Variants in CHAF1A observed in about 807,000 individuals in gnomAD.
CHAF1A encodes the protein CAF-1 subunit A.
CHAF1A carries 5 observed loss-of-function variants against 93.2 expected under a neutral mutation model. The observed-to-expected ratio is 0.05, with a 90% CI of 0.03 to 0.11. The LOEUF is 0.11. Among genes scored for constraint, CHAF1A ranks in the 10% least tolerant of loss-of-function variants. The pLI is 1.00. For missense variants in CHAF1A, 1,102 were observed against 1,259.9 expected, an observed-to-expected ratio of 0.87 and a Z score of 1.90; for synonymous variants, 504 against 510.3, an observed-to-expected ratio of 0.99 and a Z score of 0.17.
intron 8 of CHAF1A, 69 bp from the exon 9 acceptor site, chr19:4,429,369 G>T: frequency 6.5e-7 from 1 of 1,533,476 alleles, no homozygotes; most frequent in Non-Finnish European, 8.9e-7. Flanking sequence ...TTCACAGGGA[G>T]GTTCCTGGGA....
chr19:4,430,655 G>T lies in CHAF1A; in HGVS notation c.1947+14G>T, dbSNP rs371533132. On this transcript the variant is annotated intron_variant, in intron 11 of 14. Transcript: ENST00000301280. Reference sequence around the variant, plus strand: ...GGTGTGACAGAGGTGAGGGAGTGAAGGGGGAGGTCACCGGCTCAGCAAAAG... The same window carrying T: ...GGTGTGACAGAGGTGAGGGAGTGAATGGGGAGGTCACCGGCTCAGCAAAAG... 3.0e-5 allele frequency: 49 copies of T among 1,613,352 alleles called. No homozygotes were observed. The African/African-American group carries it at 4.5e-4, about 15-fold the overall frequency.
downstream of CHAF1A, chr19:4,447,147 C>A (rs1225175531): frequency 1.0e-5 from 6 of 598,438 alleles, no homozygotes; most frequent in East Asian, 1.7e-4. Context: ...CAACCAGGCA[C>A]GAAGAGTGAG....
rs746767445 is a variant in CHAF1A at position 4,429,537 on chromosome 19, T to C, written c.1704T>C (p.Pro568=). The change falls in exon 9 of 15, where the codon CCT becomes CCC. Residue 568 remains proline, a synonymous_variant. Coordinates refer to ENST00000301280, the MANE Select transcript of CHAF1A (RefSeq NM_005483.3). The part of the protein sequence containing the change: ...KLLQFCENHR[P]AYWGTWNKKT... ...TGCAGTTCTGTGAGAACCACCGGCC[T>C]GCCTACTGGGGTACCTGGAATAAGA... The C allele has an allele frequency of 1.2e-5, 20 of 1,613,976 alleles. No homozygotes were observed. Among genetic ancestry groups the C allele is most frequent in the Non-Finnish European group, 1.7e-5 (20 of 1,179,988 alleles).
At chr19:4,416,711 G>A (rs1416489322) in intron 3 of CHAF1A, among the ~76,000 whole-genome samples, 2 of 152,176 alleles carry the variant, frequency 1.3e-5, no homozygotes, top group Admixed American at 6.5e-5. Context: ...CCAACATGAT[G>A]AAACCCCTAT....
In CHAF1A at chr19:4,417,641, A is replaced by G. The variant is rs186008053; in HGVS notation, c.961-379A>G. Among the ~76,000 whole-genome samples, 47 of 151,636 alleles carry G rather than the reference A, an allele frequency of 3.1e-4. No individual in the cohort carries two copies. The East Asian group carries it at 5.7e-3, about 18-fold the overall frequency. On this transcript the variant is annotated intron_variant, in intron 3 of 14. Coordinates refer to ENST00000301280, the MANE Select transcript of CHAF1A (RefSeq NM_005483.3). ...ACGCTCGGCTAATTTTTGTATTTTT[A>G]GTAGAGATGGGGTTTTGCCACGTTG...
At chr19:4,447,758 G>C (rs1293752408), downstream of CHAF1A, 1 of 857,708 alleles carries the variant, frequency 1.2e-6, no homozygotes, top group Admixed American at 1.9e-5. Context: ...GCCCAGTGAC[G>C]CGAGGGCAGC....
At chr19:4,408,071 A>C (rs1010824323) in intron 2 of CHAF1A, among the ~76,000 whole-genome samples, 5 of 150,786 alleles carry the variant, frequency 3.3e-5, no homozygotes, top group Non-Finnish European at 4.4e-5. Flanking sequence ...TAGTTGCACC[A>C]CCACAGCTCA....
intron 13 of CHAF1A, among the ~76,000 whole-genome samples, chr19:4,438,600 G>T (rs1176151455): frequency 1.3e-5 from 2 of 152,140 alleles, no homozygotes; most frequent in African/African-American, 4.8e-5. Flanking sequence ...TCAACTCTTC[G>T]GGCCTCCGTT....
downstream of CHAF1A, chr19:4,446,457 C>A (rs767870865): frequency 6.3e-7 from 1 of 1,582,168 alleles, no homozygotes; most frequent in South Asian, 1.1e-5. Context: ...GGGGTTCTTC[C>A]ACCCCGCCCC....
chr19:4,419,239 A>T (rs1973949499), intron 4 of CHAF1A, among the ~76,000 whole-genome samples: 1 of 151,870 alleles, frequency 6.6e-6, no homozygotes, highest in South Asian at 2.1e-4. Context: ...TGTCATACCG[A>T]AACAAACCAA....
intron 3 of CHAF1A, among the ~76,000 whole-genome samples, chr19:4,411,796 C>T (rs1171765692): frequency 6.6e-6 from 1 of 151,556 alleles, no homozygotes; most frequent in Non-Finnish European, 1.5e-5. Context: ...TACAGGTGCC[C>T]ACCACCACGC....
chr19:4,413,933 T>G (rs1482748856), intron 3 of CHAF1A, among the ~76,000 whole-genome samples: 1 of 152,234 alleles, frequency 6.6e-6, no homozygotes, highest in African/African-American at 2.4e-5. Flanking sequence ...TTCTGAAGTT[T>G]GCAATCAGAC....
At chr19:4,424,665 C>T (rs1302748109) in intron 7 of CHAF1A, among the ~76,000 whole-genome samples, 1 of 152,046 alleles carries the variant, frequency 6.6e-6, no homozygotes, top group Non-Finnish European at 1.5e-5. Flanking sequence ...GATGGAGTCT[C>T]ACTCTGTCAC....
In CHAF1A at chr19:4,430,454, A is replaced by G. The variant is rs1974160736; in HGVS notation, c.1855-95A>G. 37 of 784,184 alleles carry G rather than the reference A, an allele frequency of 4.7e-5. 1 individual carries two copies. In the South Asian group the frequency reaches 5.3e-4, roughly 11 times the overall value. The allele number at this position is 784,184 out of a possible 1,614,324, so 48.6% of individuals were successfully genotyped here. ...CAGCCTCCCAAAGTGCTGGGATTAG[A>G]GGTGTGAGCCACTGCGCCTGGCCTA... On this transcript the variant is annotated intron_variant, in intron 10 of 14. Transcript: ENST00000301280.
downstream of CHAF1A, chr19:4,446,751 G>A: frequency 6.2e-7 from 1 of 1,611,306 alleles, no homozygotes; most frequent in South Asian, 1.1e-5. Context: ...GTGTCACTGT[G>A]CAATGGAGAG....
intron 13 of CHAF1A, among the ~76,000 whole-genome samples, chr19:4,441,582 T>TGGGCAA (rs1490299921): frequency 6.6e-6 from 1 of 151,682 alleles, no homozygotes. Flanking sequence ...CACTCCAGCC[T>TGGGCAA]CAGTGACAGA....
intron 13 of CHAF1A, among the ~76,000 whole-genome samples, chr19:4,437,727 T>C (rs927894590): frequency 3.6e-5 from 4 of 112,580 alleles, no homozygotes; most frequent in African/African-American, 7.0e-5. Context: ...ATTTGAAAGT[T>C]TTCATCTTTT....
chr19:4,403,707 C>T (rs1350145859), intron 1 of CHAF1A, among the ~76,000 whole-genome samples: 1 of 152,250 alleles, frequency 6.6e-6, no homozygotes, highest in Non-Finnish European at 1.5e-5. Context: ...AATACCATTG[C>T]CCTGTGTCCC....
chr19:4,448,235 G>T, downstream of CHAF1A: 1 of 1,265,860 alleles, frequency 7.9e-7, no homozygotes, highest in Non-Finnish European at 1.1e-6. Flanking sequence ...TAATGAGGGG[G>T]CCAGAGGGGG....
Sources: allele counts gnomAD v4.1 joint callset (sites outside exome capture counted in the v4.1 genomes callset), GRCh38; gene constraint gnomAD v4.1.1; transcripts MANE v1.5; gene names NCBI Gene and HGNC (gene_info 2026-07-23, HGNC 2026-07-21).